The following TG variants were observed in gnomAD, a reference collection of about 807,000 sequenced individuals.
TG encodes the protein thyroglobulin.
Under a neutral mutation model 324.7 loss-of-function variants are expected in TG, and 270 were observed. That is an observed-to-expected ratio of 0.83 (90% confidence interval 0.75 to 0.92). The LOEUF (loss-of-function observed/expected upper bound fraction) is 0.92. TG is among the 40% of genes least tolerant of loss of function. TG has a pLI of 0.00. For synonymous variants in TG, 1,401 were observed against 1,327.0 expected (o/e 1.06, Z -1.21); for missense variants, 3,591 against 3,456.4 (o/e 1.04, Z -0.98).
At chr8:132,968,839 CG>C (rs1829033739) in intron 31 of TG, among the ~76,000 whole-genome samples, 1 of 152,146 alleles carries the variant, frequency 6.6e-6, no homozygotes, top group African/African-American at 2.4e-5. Flanking sequence ...TGGAAAATGT[CG>C]GGGGGACACC....
intron 17 of TG, among the ~76,000 whole-genome samples, chr8:132,907,855 A>G (rs1222406756): frequency 6.6e-6 from 1 of 152,158 alleles, no homozygotes; most frequent in Non-Finnish European, 1.5e-5. Flanking sequence ...TATGATGTCT[A>G]TTCTTAACCT....
chr8:133,016,411 G>A (rs190222261), intron 37 of TG, among the ~76,000 whole-genome samples: 9 of 152,274 alleles, frequency 5.9e-5, no homozygotes, highest in East Asian at 5.8e-4. Context: ...AGCCAAAAAT[G>A]TCTCCAGATG....
intron 41 of TG, among the ~76,000 whole-genome samples, chr8:133,060,982 C>A (rs746034297): frequency 3.3e-5 from 5 of 152,186 alleles, no homozygotes; most frequent in Non-Finnish European, 7.3e-5. Context: ...TACTTACAAG[C>A]TAGATGACTT....
At chr8:133,040,046 G>A (rs1449111044) in intron 41 of TG, 1 of 1,552,852 alleles carries the variant, frequency 6.4e-7, no homozygotes, top group Non-Finnish European at 8.7e-7. Context: ...GGTGACAGGT[G>A]AGCTGGAGGC....
chr8:133,075,570 G>A (rs904112968), intron 41 of TG, among the ~76,000 whole-genome samples: 1 of 152,192 alleles, frequency 6.6e-6, no homozygotes, highest in South Asian at 2.1e-4. Context: ...GTGGTTATGC[G>A]GGAGAACGTC....
At chr8:132,993,482 T>C (rs1832579913) in intron 35 of TG, among the ~76,000 whole-genome samples, 2 of 152,218 alleles carry the variant, frequency 1.3e-5, no homozygotes, top group African/African-American at 4.8e-5. Flanking sequence ...AGAGATATTA[T>C]ACATAAAATG....
intron 35 of TG, among the ~76,000 whole-genome samples, chr8:132,990,241 C>G (rs901387005): frequency 1.3e-5 from 2 of 150,808 alleles, no homozygotes; most frequent in African/African-American, 4.9e-5. Context: ...TTATGGATAA[C>G]TGTTATTAAG....
chr8:132,890,395 A>G (rs1456730841), intron 10 of TG, among the ~76,000 whole-genome samples: 1 of 152,152 alleles, frequency 6.6e-6, no homozygotes, highest in Non-Finnish European at 1.5e-5. Context: ...AGGGTATGCA[A>G]TTGAAAGGGT....
intron 44 of TG, among the ~76,000 whole-genome samples, chr8:133,114,857 A>T (rs1445346274): frequency 6.6e-6 from 1 of 152,196 alleles, no homozygotes; most frequent in Admixed American, 6.5e-5. Flanking sequence ...CTCTCCACTC[A>T]GGAGCCTGTG....
intron 43 of TG, among the ~76,000 whole-genome samples, chr8:133,111,806 T>A (rs1051233529): frequency 1.3e-5 from 2 of 152,270 alleles, no homozygotes; most frequent in South Asian, 4.1e-4. Flanking sequence ...GATCTCCCAA[T>A]TTCATATTTG....
intron 23 of TG, among the ~76,000 whole-genome samples, chr8:132,929,458 G>A (rs1822371125): frequency 6.6e-6 from 1 of 152,124 alleles, no homozygotes; most frequent in South Asian, 2.1e-4. Context: ...AGATCTATGT[G>A]TCCAGGTCAG....
rs548419729 is a variant in TG at position 132,893,840 on chromosome 8, G to A, written c.2912G>A (p.Gly971Asp). The change falls in exon 11 of 48, where the codon GGC becomes GAC. Residue 971 changes from glycine to aspartate, a missense_variant. Coordinates refer to ENST00000220616, the MANE Select transcript of TG (RefSeq NM_003235.5). ...ATCCGGCTGAGGAATGAGGACCTCG[G>A]CCTTCCTCCGCTCTTCCCGCCCCGG... ...KGIRLRNEDLGLPPLFPPREA... is the reference protein window; with the variant it reads ...KGIRLRNEDLDLPPLFPPREA... 6 of 1,613,982 alleles carry A rather than the reference G, an allele frequency of 3.7e-6. No individual in the cohort carries two copies. The African/African-American group carries it at 6.7e-5, about 18-fold the overall frequency.
chr8:132,902,589 A>G (rs1366990959), intron 16 of TG, among the ~76,000 whole-genome samples: 3 of 152,164 alleles, frequency 2.0e-5, no homozygotes, highest in Non-Finnish European at 4.4e-5. Context: ...ACTCTCTATC[A>G]TCTGCTATCA....
intron 41 of TG, among the ~76,000 whole-genome samples, chr8:133,083,358 T>A (rs1846035279): frequency 6.6e-6 from 1 of 152,244 alleles, no homozygotes; most frequent in Non-Finnish European, 1.5e-5. Flanking sequence ...GAAACATGTA[T>A]GCACTTTACA....
chr8:132,930,519 A>G (rs530261659), intron 23 of TG, among the ~76,000 whole-genome samples: 11 of 152,160 alleles, frequency 7.2e-5, no homozygotes, highest in African/African-American at 2.6e-4. Flanking sequence ...CGTCTCTACT[A>G]AAAATACAAA....
intron 35 of TG, among the ~76,000 whole-genome samples, chr8:132,988,064 GCACA>G (rs35161639): frequency 0.047 from 6,334 of 134,538 alleles, 241 homozygotes; most frequent in African/African-American, 0.12. Flanking sequence ...ACATACACAT[GCACA>G]CACACACACA....
rs865881144 is a variant in TG at position 132,886,584 on chromosome 8, T to C, written c.1212T>C (p.Phe404=). ...KRWASPRVAR[F]ATSCPPTIKE... ...GGGCCTCTCCAAGAGTAGCCAGATT[T>C]GCCACATCCTGCCCACCCACGATCA... Residue 404 remains phenylalanine (F), a synonymous_variant, in exon 9 of 48, where the codon TTT becomes TTC. Transcript: ENST00000220616. 10 of 1,614,212 alleles carry C rather than the reference T, an allele frequency of 6.2e-6. No individual in the cohort carries two copies. Among genetic ancestry groups the C allele is most frequent in the Middle Eastern group, 3.3e-4 (2 of 6,062 alleles).
chr8:132,916,639 C>T (rs1198949403), intron 20 of TG, among the ~76,000 whole-genome samples: 1 of 152,110 alleles, frequency 6.6e-6, no homozygotes, highest in East Asian at 1.9e-4. Context: ...CTCGTGTAGG[C>T]ACAGCAGCCT....
chr8:133,121,913 A>T (rs1219520749), intron 45 of TG, among the ~76,000 whole-genome samples: 1 of 152,124 alleles, frequency 6.6e-6, no homozygotes, highest in East Asian at 1.9e-4. Context: ...AAACTAACTC[A>T]TTTGATTTTT....
Sources: gnomAD v4.1 joint callset for allele counts (sites outside exome capture counted in the v4.1 genomes callset) on GRCh38, gnomAD v4.1.1 for gene constraint, MANE v1.5 for transcripts, NCBI Gene and HGNC (gene_info 2026-07-23, HGNC 2026-07-21) for gene names.